The following INPP4B variants were observed in gnomAD, a reference collection of about 807,000 sequenced individuals.
The protein encoded by INPP4B is inositol polyphosphate-4-phosphatase type II B.
Under a neutral mutation model 122.5 loss-of-function variants are expected in INPP4B, and 55 were observed. That is an observed-to-expected ratio of 0.45 (90% confidence interval 0.36 to 0.56). The LOEUF (loss-of-function observed/expected upper bound fraction) is 0.56. Among genes scored for constraint, INPP4B ranks in the 20% least tolerant of loss-of-function variants. The pLI, the probability that INPP4B is intolerant of heterozygous loss-of-function variation, is 0.00. For missense variants in INPP4B, 1,000 were observed against 1,097.7 expected (o/e 0.91, Z 1.26); for synonymous variants, 403 against 388.7 (o/e 1.04, Z -0.43).
intron 2 of INPP4B, among the ~76,000 whole-genome samples, chr4:142,627,452 T>C (rs1178249721): frequency 2.1e-5 from 3 of 143,020 alleles, no homozygotes; most frequent in Non-Finnish European, 4.5e-5. Context: ...ATTGAGAGTT[T>C]TTAGCATGAA....
chr4:142,267,471 G>A (rs1257362310), intron 10 of INPP4B, among the ~76,000 whole-genome samples: 2 of 152,152 alleles, frequency 1.3e-5, no homozygotes, highest in Admixed American at 1.3e-4. Flanking sequence ...AGAAAGGGCA[G>A]TCTCTTTAAC....
At chr4:142,312,134 TCAA>T (rs1765739698) in intron 8 of INPP4B, among the ~76,000 whole-genome samples, 1 of 152,198 alleles carries the variant, frequency 6.6e-6, no homozygotes, top group South Asian at 2.1e-4. Context: ...CCGAGTTTTT[TCAA>T]AGATGAAGAC....
rs1007045963 is a variant in INPP4B at position 142,439,106 on chromosome 4, G to T, written c.-126-7721C>A. On this transcript the variant is annotated intron_variant, in intron 3 of 25. Transcript: ENST00000262992. ...CTCCATGTCTGCAGAATACTCCAAG[G>T]TCCTCAGGGAAGCCATGTGCCTCCT... Among the ~76,000 whole-genome samples, 4 of 152,080 alleles carry T rather than the reference G, an allele frequency of 2.6e-5. 1 individual carries two copies. The South Asian group carries it at 8.3e-4, about 31-fold the overall frequency.
chr4:142,298,645 T>C (rs10013559), intron 9 of INPP4B, among the ~76,000 whole-genome samples: 31,251 of 140,510 alleles, frequency 0.22, 4,533 homozygotes, highest in African/African-American at 0.43. Flanking sequence ...CATTGCACCA[T>C]TGAACTCCAG....
intron 9 of INPP4B, among the ~76,000 whole-genome samples, chr4:142,284,620 G>C (rs188124446): frequency 7.3e-4 from 111 of 152,210 alleles, no homozygotes; most frequent in African/African-American, 2.4e-3. Flanking sequence ...AAGAGGAAGA[G>C]GAGAGATATT....
At chr4:142,736,588 G>A (rs892996170) in intron 1 of INPP4B, among the ~76,000 whole-genome samples, 1 of 151,988 alleles carries the variant, frequency 6.6e-6, no homozygotes, top group African/African-American at 2.4e-5. Context: ...CTCATAATTT[G>A]GCTCTCTGTT....
At chr4:142,650,959 A>G (rs1752832122) in intron 2 of INPP4B, among the ~76,000 whole-genome samples, 1 of 152,182 alleles carries the variant, frequency 6.6e-6, no homozygotes, top group South Asian at 2.1e-4. Context: ...AAAATTGACC[A>G]CATAATTGGA....
intron 25 of INPP4B, among the ~76,000 whole-genome samples, chr4:142,057,460 T>C (rs1758300325): frequency 6.6e-6 from 1 of 151,672 alleles, no homozygotes; most frequent in Non-Finnish European, 1.5e-5. Flanking sequence ...AAAAGATAAA[T>C]TCTAAGTAGG....
At chr4:142,063,869 T>G (rs1179055696) in intron 25 of INPP4B, among the ~76,000 whole-genome samples, 1 of 152,140 alleles carries the variant, frequency 6.6e-6, no homozygotes, top group African/African-American at 2.4e-5. Context: ...GTGACTTTCT[T>G]TTACCTTGCC....
rs116073760 is a variant in INPP4B, at chr4:142,266,226, G to A, written c.615+4437C>T. On this transcript the variant is annotated intron_variant, in intron 10 of 25. Transcript: ENST00000262992. The stretch of plus-strand genomic sequence containing the variant: ...CAAAACAAACAAGGATGGAATGAAG[G>A]GATCCAGCCCTAAGACAGGGTTTCG... Among the ~76,000 whole-genome samples, 309 of 152,178 alleles carry A rather than the reference G, an allele frequency of 2.0e-3. 2 individuals carry two copies. The highest frequency in any genetic ancestry group is 7.0e-3 in the African/African-American group (292 of 41,528).
chr4:142,747,948 C>T (rs907693902), intron 1 of INPP4B, among the ~76,000 whole-genome samples: 6 of 152,032 alleles, frequency 3.9e-5, no homozygotes, highest in Admixed American at 3.9e-4. Flanking sequence ...GTGTAGCAAA[C>T]CACCATGGCA....
At chr4:142,168,559 T>C (rs1824012340) in intron 16 of INPP4B, among the ~76,000 whole-genome samples, 1 of 151,662 alleles carries the variant, frequency 6.6e-6, no homozygotes, top group Non-Finnish European at 1.5e-5. Context: ...TTAGTCCCGC[T>C]ACTAGGGCCA....
intron 25 of INPP4B, among the ~76,000 whole-genome samples, chr4:142,051,818 G>A (rs931931203): frequency 1.3e-5 from 2 of 151,908 alleles, no homozygotes; most frequent in Non-Finnish European, 2.9e-5. Context: ...ATTCTTGTGT[G>A]CATACATTTA....
At chr4:142,419,589 C>T (rs1231919909) in intron 5 of INPP4B, among the ~76,000 whole-genome samples, 1 of 152,084 alleles carries the variant, frequency 6.6e-6, no homozygotes, top group Admixed American at 6.6e-5. Flanking sequence ...CTTAACCACT[C>T]AAAGATTTAG....
chr4:142,136,725 G>A (rs1804519840), intron 18 of INPP4B, among the ~76,000 whole-genome samples: 1 of 152,156 alleles, frequency 6.6e-6, no homozygotes, highest in African/African-American at 2.4e-5. Context: ...AGAGGCAGGT[G>A]GTGGTAAGGG....
chr4:142,461,222 T>G (rs944293618), intron 3 of INPP4B, among the ~76,000 whole-genome samples: 2 of 152,218 alleles, frequency 1.3e-5, no homozygotes, highest in Non-Finnish European at 2.9e-5. Context: ...CAAATCATTC[T>G]TTAAAGTACT....
intron 2 of INPP4B, among the ~76,000 whole-genome samples, chr4:142,567,557 T>C (rs1318212979): frequency 1.3e-5 from 2 of 152,194 alleles, no homozygotes; most frequent in African/African-American, 4.8e-5. Flanking sequence ...GTATCCTTCA[T>C]TTTAGGTAAT....
chr4:142,062,006 A>T (rs1342400557), intron 25 of INPP4B, among the ~76,000 whole-genome samples: 1 of 151,256 alleles, frequency 6.6e-6, no homozygotes, highest in Non-Finnish European at 1.5e-5. Flanking sequence ...TTTACTCTTC[A>T]ATTTCAGTTA....
chr4:142,481,409 C>T (rs957439824), intron 2 of INPP4B, among the ~76,000 whole-genome samples: 1 of 152,032 alleles, frequency 6.6e-6, no homozygotes, highest in African/African-American at 2.4e-5. Flanking sequence ...ACTAAAAGCA[C>T]CTAACTCTAT....
Sources: gnomAD v4.1 joint callset for allele counts (sites outside exome capture counted in the v4.1 genomes callset) on GRCh38, gnomAD v4.1.1 for gene constraint, MANE v1.5 for transcripts, NCBI Gene and HGNC (gene_info 2026-07-23, HGNC 2026-07-21) for gene names.